MTUS2: variants seen among roughly 807,000 people sequenced by gnomAD.
The protein encoded by MTUS2 is microtubule associated scaffold protein 2.
A neutral mutation model predicts 114.1 loss-of-function variants in MTUS2; 40 were observed. That is an observed-to-expected ratio of 0.35 (90% CI 0.27 to 0.46). The LOEUF (loss-of-function observed/expected upper bound fraction) is 0.46, where lower values mean the gene tolerates loss of function less well. Among genes scored for constraint, MTUS2 ranks in the 20% least tolerant of loss-of-function variants. The pLI is 1.00. For synonymous variants in MTUS2, 688 were observed against 672.0 expected (o/e 1.02, Z -0.37); for missense variants, 1,679 against 1,705.4 (o/e 0.98, Z 0.27).
chr13:29,263,279 G>A (rs1267598230), intron 5 of MTUS2, among the ~76,000 whole-genome samples: 1 of 152,152 alleles, frequency 6.6e-6, no homozygotes, highest in African/African-American at 2.4e-5. Flanking sequence ...TCCTATAGAA[G>A]TATGTCTTCC....
At chr13:28,923,427 A>G (rs1881156307) in intron 2 of MTUS2, among the ~76,000 whole-genome samples, 1 of 152,184 alleles carries the variant, frequency 6.6e-6, no homozygotes, top group Non-Finnish European at 1.5e-5. Context: ...ACCCTGTATA[A>G]GTTTAGTATG....
chr13:29,146,832 GT>G (rs1423485774), intron 5 of MTUS2, among the ~76,000 whole-genome samples: 1 of 152,174 alleles, frequency 6.6e-6, no homozygotes, highest in East Asian at 1.9e-4. Flanking sequence ...TTGCAGGATT[GT>G]TTTAAGGATG....
chr13:29,357,290 G>A (rs879688615), intron 7 of MTUS2, among the ~76,000 whole-genome samples: 11 of 152,166 alleles, frequency 7.2e-5, no homozygotes, highest in African/African-American at 2.4e-4. Context: ...CAGTGTGAGC[G>A]CCTGCTAACG....
At chr13:29,259,595 G>T (rs1593232767) in intron 5 of MTUS2, among the ~76,000 whole-genome samples, 1 of 152,140 alleles carries the variant, frequency 6.6e-6, no homozygotes, top group Non-Finnish European at 1.5e-5. Flanking sequence ...ATGATAATTG[G>T]CCAAAATAGT....
intron 5 of MTUS2, among the ~76,000 whole-genome samples, chr13:29,210,284 TTTTA>T (rs1162950192): frequency 6.6e-6 from 1 of 152,054 alleles, no homozygotes; most frequent in Admixed American, 6.5e-5. Flanking sequence ...TTGTGATTTG[TTTTA>T]TTTATTTATG....
rs536184649 is a variant in MTUS2 at position 29,053,090 on chromosome 13, T to TA, written c.2446+18967dup. On this transcript the variant is annotated intron_variant, in intron 4 of 15. Coordinates refer to ENST00000612955, the MANE Select transcript of MTUS2 (RefSeq NM_001033602.4). ...TCTTTATAAATTACCCAGTCTTGGATAATTTATTCTTCATAGCAGCGTGAG... is the reference window on the plus strand; with the variant it reads ...TCTTTATAAATTACCCAGTCTTGGATAAATTTATTCTTCATAGCAGCGTGAG... Among the ~76,000 whole-genome samples, 399 of 152,334 alleles carry TA rather than the reference T, an allele frequency of 2.6e-3. 3 individuals are homozygous for TA. The highest frequency in any genetic ancestry group is 9.2e-3 in the African/African-American group (381 of 41,572).
chr13:28,905,023 A>G (rs1354272127), intron 2 of MTUS2, among the ~76,000 whole-genome samples: 1 of 151,532 alleles, frequency 6.6e-6, no homozygotes, highest in Non-Finnish European at 1.5e-5. Context: ...GCAATTGTGA[A>G]TGGGAGTTCA....
chr13:29,407,187 A>C (rs1405099811), intron 8 of MTUS2, among the ~76,000 whole-genome samples: 1 of 152,170 alleles, frequency 6.6e-6, no homozygotes, highest in Non-Finnish European at 1.5e-5. Context: ...CAGGGGTTGC[A>C]GTGAGCTGAG....
At chr13:29,188,376 T>C (rs1212843580) in intron 5 of MTUS2, among the ~76,000 whole-genome samples, 3 of 152,216 alleles carry the variant, frequency 2.0e-5, no homozygotes, top group Non-Finnish European at 4.4e-5. Flanking sequence ...CTAGTAGGCA[T>C]GTTATATGAA....
chr13:29,234,198 C>G (rs1328216620), intron 5 of MTUS2, among the ~76,000 whole-genome samples: 6 of 152,092 alleles, frequency 3.9e-5, no homozygotes, highest in Non-Finnish European at 5.9e-5. Context: ...TTTTTCACTT[C>G]AAAGATATCT....
intron 6 of MTUS2, chr13:29,307,744 A>G: frequency 9.1e-7 from 1 of 1,101,206 alleles, no homozygotes. Context: ...CTACAGCAAC[A>G]GGGTGATGGA....
intron 7 of MTUS2, among the ~76,000 whole-genome samples, chr13:29,347,247 A>G (rs2138155231): frequency 6.6e-6 from 1 of 152,100 alleles, no homozygotes; most frequent in Admixed American, 6.5e-5. Context: ...GGGTTTGATT[A>G]GTTGATGTCA....
chr13:29,487,740 A>C (rs1881732596), intron 10 of MTUS2, 160 bp from the exon 11 acceptor site: 2 of 643,682 alleles, frequency 3.1e-6, no homozygotes, highest in Non-Finnish European at 5.6e-6. Context: ...CGTGATTCCG[A>C]GGGCTGCCAC....
At chr13:28,874,190 G>A (rs1389294371) in intron 2 of MTUS2, among the ~76,000 whole-genome samples, 2 of 151,904 alleles carry the variant, frequency 1.3e-5, no homozygotes, top group Non-Finnish European at 2.9e-5. Context: ...GCTAATTTTT[G>A]TATTTTTAGT....
At chr13:29,233,899 A>T (rs1462211749) in intron 5 of MTUS2, among the ~76,000 whole-genome samples, 2 of 152,232 alleles carry the variant, frequency 1.3e-5, no homozygotes, top group Non-Finnish European at 2.9e-5. Flanking sequence ...GAATACTGCC[A>T]CTGCCATACC....
chr13:29,281,117 A>G (rs1412799154), intron 5 of MTUS2, among the ~76,000 whole-genome samples: 1 of 152,168 alleles, frequency 6.6e-6, no homozygotes, highest in Admixed American at 6.5e-5. Context: ...TTTCAAACAG[A>G]AAGCCTGCTT....
At chr13:29,173,957 G>T (rs1893665266) in intron 5 of MTUS2, among the ~76,000 whole-genome samples, 2 of 151,982 alleles carry the variant, frequency 1.3e-5, no homozygotes, top group South Asian at 4.2e-4. Context: ...TGTTTAGGTG[G>T]CATTTTCCTG....
chr13:29,337,603 CTA>C (rs1901136962), intron 7 of MTUS2, among the ~76,000 whole-genome samples: 1 of 79,122 alleles, frequency 1.3e-5, no homozygotes, highest in Non-Finnish European at 2.8e-5. Flanking sequence ...TTTTATTTTT[CTA>C]TTTTTTTTTT....
At chr13:29,212,818 C>A (rs1221883721) in intron 5 of MTUS2, among the ~76,000 whole-genome samples, 1 of 152,198 alleles carries the variant, frequency 6.6e-6, no homozygotes, top group Non-Finnish European at 1.5e-5. Context: ...ACCCAGAAGC[C>A]CTCTGAATCC....
Sources: gnomAD v4.1 joint callset for allele counts (sites outside exome capture counted in the v4.1 genomes callset) on GRCh38, gnomAD v4.1.1 for gene constraint, MANE v1.5 for transcripts, NCBI Gene and HGNC (gene_info 2026-07-23, HGNC 2026-07-21) for gene names.